The following TMEM135 variants were observed in gnomAD, a reference collection of about 807,000 sequenced individuals.
TMEM135 encodes transmembrane protein 135, also known as peroxisomal membrane protein 52.
In TMEM135, 30 loss-of-function variants were observed where a neutral mutation model predicts 60.3. The observed-to-expected ratio is 0.50, with a 90% CI of 0.37 to 0.68. TMEM135 has a LOEUF of 0.68. TMEM135 is among the 30% of genes least tolerant of loss of function. The pLI is 0.00. For missense variants in TMEM135, 468 were observed against 548.8 expected (o/e 0.85, Z 1.47); for synonymous variants, 190 against 186.7 (o/e 1.02, Z -0.14).
chr11:87,298,472 G>T (rs1281412402), intron 7 of TMEM135, among the ~76,000 whole-genome samples: 1 of 152,108 alleles, frequency 6.6e-6, no homozygotes, highest in African/African-American at 2.4e-5. Context: ...ATTAGACAAA[G>T]GCTAAAAAGC....
rs1942013301 is a variant in TMEM135 at position 87,278,925 on chromosome 11, A to AG, written c.510-16856dup. Among the ~76,000 whole-genome samples, 5 of 152,150 alleles carry AG rather than the reference A, an allele frequency of 3.3e-5. No individual in the cohort carries two copies. In the South Asian group the frequency reaches 1.0e-3, roughly 32 times the overall value. On this transcript the variant is annotated intron_variant, in intron 6 of 14. Coordinates refer to ENST00000305494, the MANE Select transcript of TMEM135 (RefSeq NM_022918.4). ...ACTTTAGATTATGAAACTTTTTTCT[A>AG]GAATTTCACACCAGTGGAATCATAC...
At position 87,326,024 on chromosome 11, in the gene TMEM135, C is replaced by T. The variant is rs1008938978; in HGVS notation, c.*4691C>T. On this transcript the variant is annotated 3_prime_UTR_variant, in exon 15 of 15. Transcript: ENST00000305494. ...ACCATCTGGTCACCAACAGGGACAT[C>T]AGGGCCAAGAGCAGTTTATACTTCT... is the stretch of plus-strand genomic sequence containing the variant. The T allele has an allele frequency of 8.2e-5, 37 of 453,820 alleles. No individual in the cohort carries two copies. Among genetic ancestry groups the T allele is most frequent in the African/African-American group, 7.0e-4 (35 of 49,938 alleles). The allele number at this position is 453,820 out of a possible 1,614,324, so 28.1% of individuals were successfully genotyped here. A position where few individuals can be genotyped will look rare whatever the true frequency, so the allele number is the denominator to read the frequency against.
chr11:87,314,814 A>G (rs1226520042), intron 12 of TMEM135, among the ~76,000 whole-genome samples: 2 of 151,770 alleles, frequency 1.3e-5, no homozygotes, highest in Non-Finnish European at 3.0e-5. Context: ...CCTTTCATCT[A>G]TACTCCTCAA....
At chr11:87,158,069 C>A (rs886405779) in intron 5 of TMEM135, among the ~76,000 whole-genome samples, 3 of 152,086 alleles carry the variant, frequency 2.0e-5, no homozygotes, top group Admixed American at 2.0e-4. Flanking sequence ...ATTCTAATGG[C>A]AAATACTTAA....
chr11:87,162,585 G>A (rs1223434008), intron 5 of TMEM135, among the ~76,000 whole-genome samples: 5 of 152,178 alleles, frequency 3.3e-5, no homozygotes, highest in Non-Finnish European at 7.3e-5. Context: ...ATTCCATGGT[G>A]TGTATGTGCC....
intron 5 of TMEM135, among the ~76,000 whole-genome samples, chr11:87,176,658 A>G (rs1308280414): frequency 6.6e-6 from 1 of 152,134 alleles, no homozygotes; most frequent in Non-Finnish European, 1.5e-5. Context: ...TCCATGGGAA[A>G]GATTGTTAAG....
rs759770678 is a variant in TMEM135, at chr11:87,302,331, C to G, written c.587C>G (p.Ser196Cys). ...IVGKEEIPTH[S>C]FSPEAAYAKV... ...GGGAAGGAAGAAATTCCCACACATTCTTTTTCACCAGAGGCAGCATATGCA... is the reference window on the plus strand; with the variant it reads ...GGGAAGGAAGAAATTCCCACACATTGTTTTTCACCAGAGGCAGCATATGCA... The change falls in exon 8 of 15, where the codon TCT (serine) becomes TGT (cysteine). Residue 196 changes from serine (S) to cysteine (C), a missense_variant. Coordinates refer to ENST00000305494, the MANE Select transcript of TMEM135 (RefSeq NM_022918.4). 1 of 1,613,466 alleles carries G rather than the reference C, an allele frequency of 6.2e-7. No individual in the cohort carries two copies. The highest frequency in any genetic ancestry group is 1.3e-5 in the African/African-American group (1 of 74,872).
At chr11:87,214,089 G>A (rs762365107) in intron 5 of TMEM135, among the ~76,000 whole-genome samples, 1 of 152,106 alleles carries the variant, frequency 6.6e-6, no homozygotes, top group African/African-American at 2.4e-5. Context: ...ATGGTGGTGT[G>A]GTAGTAGTAG....
chr11:87,270,550 A>G (rs1941844552), intron 6 of TMEM135, among the ~76,000 whole-genome samples: 1 of 152,216 alleles, frequency 6.6e-6, no homozygotes. Flanking sequence ...TAACTAAAGA[A>G]CATTTCCTTA....
intron 4 of TMEM135, among the ~76,000 whole-genome samples, chr11:87,153,930 T>A (rs1427395950): frequency 6.6e-6 from 1 of 152,188 alleles, no homozygotes; most frequent in African/African-American, 2.4e-5. Flanking sequence ...AGTTGTAAGA[T>A]GGGGAAGCAT....
rs553817758 is a variant in TMEM135, at chr11:87,327,106, C to A, written c.*5773C>A. 2.2e-6 allele frequency: 1 copy of A among 453,956 alleles called. No individual in the cohort carries two copies. The highest frequency in any genetic ancestry group is 7.0e-5 in the East Asian group (1 of 14,380). The allele number at this position is 453,956 out of a possible 1,614,324, so 28.1% of individuals were successfully genotyped here. A position where few individuals can be genotyped will look rare whatever the true frequency, so the allele number is the denominator to read the frequency against. On this transcript the variant is annotated 3_prime_UTR_variant, in exon 15 of 15. Transcript: ENST00000305494. Reference sequence around the variant, plus strand: ...TTGTTCTAGGCCTTTCATGTCTTTCCTTTCTTCTTGTCCAGATACTTTTCC... The same window carrying A: ...TTGTTCTAGGCCTTTCATGTCTTTCATTTCTTCTTGTCCAGATACTTTTCC...
chr11:87,206,574 T>G (rs1165426484), intron 5 of TMEM135, among the ~76,000 whole-genome samples: 1 of 152,132 alleles, frequency 6.6e-6, no homozygotes, highest in Non-Finnish European at 1.5e-5. Context: ...ATATAACCTG[T>G]GGCAGTGTTG....
intron 1 of TMEM135, among the ~76,000 whole-genome samples, chr11:87,039,354 T>C (rs955226288): frequency 6.6e-6 from 1 of 152,228 alleles, no homozygotes; most frequent in African/African-American, 2.4e-5. Flanking sequence ...ATGGGGGTTC[T>C]AATTCATTAG....
chr11:87,217,434 A>C (rs1195329221), intron 5 of TMEM135, among the ~76,000 whole-genome samples: 2 of 152,206 alleles, frequency 1.3e-5, no homozygotes, highest in African/African-American at 4.8e-5. Flanking sequence ...GAGAAAGGCA[A>C]ATTTCAGTAC....
intron 4 of TMEM135, among the ~76,000 whole-genome samples, chr11:87,139,618 A>G (rs1037768067): frequency 1.2e-4 from 19 of 152,188 alleles, no homozygotes; most frequent in African/African-American, 4.6e-4. Context: ...TTTACAGGAA[A>G]CTGACAAATT....
At chr11:87,124,902 T>G (rs772026393) in intron 4 of TMEM135, among the ~76,000 whole-genome samples, 15 of 152,182 alleles carry the variant, frequency 9.9e-5, no homozygotes, top group African/African-American at 3.6e-4. Flanking sequence ...ATATTTATCT[T>G]TTAATGCTTG....
chr11:87,186,516 A>G (rs1362374965), intron 5 of TMEM135, among the ~76,000 whole-genome samples: 1 of 152,200 alleles, frequency 6.6e-6, no homozygotes, highest in Non-Finnish European at 1.5e-5. Flanking sequence ...ATTTTAAAAG[A>G]TTTGTCCACT....
At chr11:87,198,434 A>G (rs1342383276) in intron 5 of TMEM135, among the ~76,000 whole-genome samples, 1 of 152,178 alleles carries the variant, frequency 6.6e-6, no homozygotes, top group East Asian at 1.9e-4. Flanking sequence ...AAAAAAGTTA[A>G]TAAGGGTACT....
At chr11:87,294,206 G>A (rs1340311073) in intron 6 of TMEM135, among the ~76,000 whole-genome samples, 1 of 151,950 alleles carries the variant, frequency 6.6e-6, no homozygotes, top group Admixed American at 6.6e-5. Flanking sequence ...TTTTTGATGG[G>A]GTTGTTTTAA....
Sources: allele counts gnomAD v4.1 joint callset (sites outside exome capture counted in the v4.1 genomes callset), GRCh38; gene constraint gnomAD v4.1.1; transcripts MANE v1.5; gene names NCBI Gene and HGNC (gene_info 2026-07-23, HGNC 2026-07-21).